The following FBLN5 variants were observed in gnomAD, a reference collection of about 807,000 sequenced individuals.
FBLN5 encodes the protein fibulin 5.
FBLN5 carries 24 observed loss-of-function variants against 61.6 expected under a neutral mutation model. The ratio of observed to expected loss-of-function variants is 0.39; its 90% CI spans 0.28 to 0.55. The LOEUF (loss-of-function observed/expected upper bound fraction) is 0.55. Ranked by LOEUF, FBLN5 falls within the 20% of genes least tolerant of loss-of-function variation. The pLI is 0.65. For synonymous variants in FBLN5, 213 were observed against 219.8 expected, an observed-to-expected ratio of 0.97 and a Z score of 0.27; for missense variants, 470 against 594.1, an observed-to-expected ratio of 0.79 and a Z score of 2.17.
In FBLN5 at chr14:91,882,906, C is replaced by T; in HGVS notation, c.862+48G>A. ...ATATCCAGATGAGCCCCTGAAGCAGCTCCACCTCACACATACACCCCAGCC... is the reference window on the plus strand; with the variant it reads ...ATATCCAGATGAGCCCCTGAAGCAGTTCCACCTCACACATACACCCCAGCC... On this transcript the variant is annotated intron_variant, in intron 8 of 10. Coordinates refer to ENST00000342058, the MANE Select transcript of FBLN5 (RefSeq NM_006329.4). This position sits in a 1 kb window ranked among gnomAD's most constrained non-coding sequence, Gnocchi z 4.9. 6.2e-7 allele frequency: 1 copy of T among 1,607,822 alleles called. No homozygotes were observed. The highest frequency in any genetic ancestry group is 8.5e-7 in the Non-Finnish European group (1 of 1,176,164).
intron 4 of FBLN5, among the ~76,000 whole-genome samples, chr14:91,911,277 G>A (rs191903041): frequency 6.4e-4 from 98 of 152,258 alleles, no homozygotes; most frequent in Non-Finnish European, 9.6e-4. Flanking sequence ...GAGCCACCAC[G>A]CCTGGCCAGC....
intron 6 of FBLN5, among the ~76,000 whole-genome samples, chr14:91,889,945 A>T (rs2430356): frequency 0.18 from 27,663 of 152,140 alleles, 2,769 homozygotes; most frequent in Admixed American, 0.25. Flanking sequence ...GCACGGTGCC[A>T]GCCTGTGGCT....
chr14:91,946,986 G>C (rs1172120846), intron 1 of FBLN5: 1 of 1,478,306 alleles, frequency 6.8e-7, no homozygotes, highest in Non-Finnish European at 8.9e-7. Context: ...TCTGATGCTG[G>C]CTTTTGAAAC....
At chr14:91,896,945 C>T (rs192998134) in intron 4 of FBLN5, among the ~76,000 whole-genome samples, 247 of 152,296 alleles carry the variant, frequency 1.6e-3, no homozygotes, top group African/African-American at 5.7e-3. Context: ...TTGTGAGCTT[C>T]AGTAAAACGT....
rs548059437 is a variant in FBLN5 at position 91,882,164 on chromosome 14, A to T, written c.863-746T>A. Among the ~76,000 whole-genome samples the T allele has an allele frequency of 7.7e-4, 117 of 152,316 alleles. No homozygotes were observed. Among genetic ancestry groups the T allele is most frequent in the Non-Finnish European group, 1.5e-3 (101 of 68,030 alleles). On this transcript the variant is annotated intron_variant, in intron 8 of 10. Transcript: ENST00000342058. This position sits in a 1 kb window ranked among gnomAD's most constrained non-coding sequence, Gnocchi z 4.9. Reference sequence around the variant, plus strand: ...AGAGTGAGACTCTGTCACAAAAAGAAAAAAAAGAAAGAAAGAAAAGAAAAT... The same window carrying T: ...AGAGTGAGACTCTGTCACAAAAAGATAAAAAAGAAAGAAAGAAAAGAAAAT...
intron 8 of FBLN5, 60 bp from the exon 9 acceptor site, chr14:91,881,478 G>A: frequency 2.5e-6 from 4 of 1,599,660 alleles, no homozygotes; most frequent in South Asian, 1.1e-5. Flanking sequence ...CCAGACGCGT[G>A]GGGGTGGGGT....
At position 91,937,184 on chromosome 14, in the gene FBLN5, T is replaced by C. The variant is rs750766567; in HGVS notation, c.142A>G (p.Thr48Ala). The C allele has an allele frequency of 1.9e-6, 3 of 1,614,150 alleles. No homozygotes were observed. Among genetic ancestry groups the C allele is most frequent in the Non-Finnish European group, 1.7e-6 (2 of 1,180,018 alleles). ...TCTCCTCGGCAGGCCTCGGGGATGG[T>C]TCGGCATTCATCAATATCTGAAAGG... The part of the protein sequence containing the change: ...GQCLDIDECR[T>A]IPEACRGDMM... Residue 48 changes from threonine to alanine, a missense_variant, in exon 4 of 11, where the codon ACC (threonine) becomes GCC (alanine). By Grantham distance (58) the Thr-to-Ala change is moderately conservative. Transcript: ENST00000342058.
intron 10 of FBLN5, among the ~76,000 whole-genome samples, chr14:91,871,522 A>G (rs1405801482): frequency 6.6e-6 from 1 of 152,156 alleles, no homozygotes; most frequent in African/African-American, 2.4e-5. Flanking sequence ...ATCATGTGTG[A>G]GGCACTCTTC....
intron 4 of FBLN5, among the ~76,000 whole-genome samples, chr14:91,910,407 G>A (rs936738180): frequency 6.6e-6 from 1 of 152,142 alleles, no homozygotes; most frequent in Admixed American, 6.5e-5. Flanking sequence ...TAATAGATAC[G>A]GAGTTTTTGT....
chr14:91,930,150 AAACAATAATTACAGTAACG>A (rs1217378403), intron 4 of FBLN5, among the ~76,000 whole-genome samples: 2 of 152,332 alleles, frequency 1.3e-5, no homozygotes, highest in African/African-American at 4.8e-5. Flanking sequence ...GAGATAATGA[AAACAATAATTACAGTAACG>A]AACTTAGGAA....
Position 91,937,069 on chromosome 14 carries a change from G to C in FBLN5, c.257C>G (p.Thr86Ser), listed in dbSNP as rs1566828609. The C allele has an allele frequency of 2.5e-6, 4 of 1,613,974 alleles. No individual in the cohort carries two copies. In the Admixed American group the frequency reaches 5.0e-5, roughly 20 times the overall value. The change falls in exon 4 of 11, where the codon ACC becomes AGC. Residue 86 changes from threonine to serine, a missense_variant. Transcript: ENST00000342058. ...TGCTGGGTACGGACCTGAGTAGGGG[G>C]TCGAGTAGGGGTTCGAGTAGGGCCC... is the stretch of plus-strand genomic sequence containing the variant. ...YRGPYSNPYS[T>S]PYSGPYPAAA...
chr14:91,916,428 CAG>C (rs1196087493), intron 4 of FBLN5, among the ~76,000 whole-genome samples: 1 of 152,172 alleles, frequency 6.6e-6, no homozygotes, highest in East Asian at 1.9e-4. Context: ...GCCTGGGTGA[CAG>C]AGCGAGATTC....
At chr14:91,892,122 G>A (rs1890021500) in intron 5 of FBLN5, among the ~76,000 whole-genome samples, 1 of 152,212 alleles carries the variant, frequency 6.6e-6, no homozygotes, top group African/African-American at 2.4e-5. Flanking sequence ...CCTGTAATAT[G>A]TATCCATCAA....
intron 4 of FBLN5, among the ~76,000 whole-genome samples, chr14:91,923,504 T>C (rs542648925): frequency 2.0e-5 from 3 of 152,288 alleles, no homozygotes; most frequent in African/African-American, 7.2e-5. Context: ...TGCAGTGAAC[T>C]TTCTTGTCTC....
At chr14:91,921,517 C>CG (rs140396334) in intron 4 of FBLN5, among the ~76,000 whole-genome samples, 3,165 of 152,276 alleles carry the variant, frequency 0.021, 54 homozygotes, top group Non-Finnish European at 0.033. Flanking sequence ...GTGCAGCCCC[C>CG]GGGCCAGCAG....
rs142499873 is a variant in FBLN5 at position 91,924,454 on chromosome 14, G to A, written c.379+12493C>T. On this transcript the variant is annotated intron_variant, in intron 4 of 10. Transcript: ENST00000342058. Reference sequence around the variant, plus strand: ...TGTAATCCCAACACTTTGGGAGGCAGAGGTGGGCGGATTGCCTGAGCTCAG... The same window carrying A: ...TGTAATCCCAACACTTTGGGAGGCAAAGGTGGGCGGATTGCCTGAGCTCAG... 3.7e-3 allele frequency among the ~76,000 whole-genome samples: 562 copies of A among 152,290 alleles called. 3 individuals are homozygous for A. Among genetic ancestry groups the A allele is most frequent in the African/African-American group, 0.013 (531 of 41,554 alleles).
At chr14:91,929,069 C>CT (rs1243323335) in intron 4 of FBLN5, among the ~76,000 whole-genome samples, 4 of 133,446 alleles carry the variant, frequency 3.0e-5, no homozygotes, top group African/African-American at 6.1e-5. Flanking sequence ...AAAAAAAAGA[C>CT]CCTGTCTCAA....
chr14:91,899,139 T>G (rs949885360), intron 4 of FBLN5, among the ~76,000 whole-genome samples: 11 of 132,344 alleles, frequency 8.3e-5, no homozygotes, highest in African/African-American at 3.1e-4. Context: ...AGCGGCTGTG[T>G]GTTCGTGTGT....
chr14:91,940,662 A>C, intron 2 of FBLN5, 46 bp from the exon 3 acceptor site: 7 of 1,555,270 alleles, frequency 4.5e-6, no homozygotes, highest in Non-Finnish European at 6.2e-6. Flanking sequence ...ATTTCACACC[A>C]TAAAAGTCTT....
Sources: gnomAD v4.1 joint callset for allele counts (sites outside exome capture counted in the v4.1 genomes callset) on GRCh38, gnomAD v4.1.1 for gene constraint, Gnocchi (gnomAD v3.1) non-coding constraint, MANE v1.5 for transcripts, NCBI Gene and HGNC (gene_info 2026-07-23, HGNC 2026-07-21) for gene names.